The following COL4A3 variants were observed in gnomAD, a reference collection of about 807,000 sequenced individuals.
COL4A3 encodes the protein collagen alpha-3(IV) chain.
A neutral mutation model predicts 217.4 loss-of-function variants in COL4A3; 135 were observed. The ratio of observed to expected loss-of-function variants is 0.62; its 90% CI spans 0.54 to 0.72. The LOEUF is 0.72. Among genes scored for constraint, COL4A3 ranks in the 30% least tolerant of loss-of-function variants. COL4A3 has a pLI of 0.00. For missense variants in COL4A3, 1,868 were observed against 2,119.9 expected (o/e 0.88, Z 2.33); for synonymous variants, 690 against 736.3 (o/e 0.94, Z 1.02).
chr2:227,277,451 A>C lies in COL4A3; in HGVS notation c.2023A>C (p.Ile675Leu), dbSNP rs1232338023. ...GCATATGTGTATTTGTTTCTAAGGT[A>C]TCCCTGGATCCCTGGGGAAATGTGG... ...GHPGPQGPPG[I>L]PGSLGKCGDP... The change falls in exon 28 of 52, where the codon ATC (isoleucine) becomes CTC (leucine). Residue 675 changes from isoleucine to leucine, a missense_variant and splice_region_variant. Transcript: ENST00000396578. The C allele has an allele frequency of 1.9e-6, 3 of 1,602,474 alleles. No individual in the cohort carries two copies. In the South Asian group the frequency reaches 3.3e-5, roughly 18 times the overall value.
chr2:227,257,703 A>C (rs2070277421), intron 18 of COL4A3, 59 bp downstream of exon 18: 4 of 1,483,598 alleles, frequency 2.7e-6, no homozygotes, highest in African/African-American at 1.4e-5. Flanking sequence ...TAAAGTAGCA[A>C]GGAAATTTTG....
At chr2:227,226,117 G>T (rs988864359) in intron 1 of COL4A3, among the ~76,000 whole-genome samples, 10 of 152,112 alleles carry the variant, frequency 6.6e-5, no homozygotes, top group African/African-American at 2.4e-4. Context: ...TTTGGGGGGT[G>T]GGTGATTGTG....
chr2:227,228,237 C>A (rs909193428), intron 1 of COL4A3, among the ~76,000 whole-genome samples: 1 of 152,160 alleles, frequency 6.6e-6, no homozygotes, highest in Non-Finnish European at 1.5e-5. Context: ...GGGGGCATCC[C>A]GCAAAGCAGT....
intron 1 of COL4A3, among the ~76,000 whole-genome samples, chr2:227,235,434 A>G (rs10187805): frequency 0.71 from 107,898 of 151,956 alleles, 38,604 homozygotes; most frequent in Non-Finnish European, 0.75. Flanking sequence ...TTTCCTTCTC[A>G]GTCGGTTACT....
intron 47 of COL4A3, among the ~76,000 whole-genome samples, chr2:227,306,463 A>G (rs1167632496): frequency 6.6e-6 from 1 of 152,144 alleles, no homozygotes; most frequent in African/African-American, 2.4e-5. Flanking sequence ...GGCCAACTAT[A>G]GCTCCCTCTG....
Position 227,164,655 on chromosome 2 carries a change from T to C in COL4A3, c.-72T>C. 2.6e-6 allele frequency: 4 copies of C among 1,525,912 alleles called. No homozygotes were observed. In the East Asian group the frequency reaches 9.9e-5, roughly 38 times the overall value. The allele number at this position is 1,525,912 out of a possible 1,614,324, so 94.5% of individuals were successfully genotyped here. A position where few individuals can be genotyped will look rare whatever the true frequency, so the allele number is the denominator to read the frequency against. On this transcript the variant is annotated 5_prime_UTR_variant, in exon 1 of 52. Transcript: ENST00000396578. This position sits in a 1 kb window ranked among gnomAD's most constrained non-coding sequence, Gnocchi z 4.8. ...TCCAGCCGGGCTCCCAGAGCCGCGC[T>C]GCGCAGGAGACGCGGTGGCCTGAGA... is the stretch of plus-strand genomic sequence containing the variant.
At chr2:227,209,685 C>CA (rs916537921) in intron 1 of COL4A3, among the ~76,000 whole-genome samples, 14 of 152,008 alleles carry the variant, frequency 9.2e-5, no homozygotes, top group African/African-American at 2.2e-4. Flanking sequence ...ACTAAAAATA[C>CA]AAAAAAATTA....
chr2:227,203,904 T>C (rs551810602), intron 1 of COL4A3, among the ~76,000 whole-genome samples: 3 of 152,084 alleles, frequency 2.0e-5, no homozygotes, highest in East Asian at 1.9e-4. Flanking sequence ...TATAAGCCTC[T>C]TAAGCATGAG....
At chr2:227,307,037 G>A (rs983733125) in intron 47 of COL4A3, among the ~76,000 whole-genome samples, 2 of 152,152 alleles carry the variant, frequency 1.3e-5, no homozygotes, top group East Asian at 3.9e-4. Context: ...CACGACAAGT[G>A]TGGATTAGCC....
rs2072040353 is a variant in COL4A3, at chr2:227,282,383, G to C, written c.2507G>C (p.Gly836Ala). 1 of 1,612,410 alleles carries C rather than the reference G, an allele frequency of 6.2e-7. No homozygotes were observed. The highest frequency in any genetic ancestry group is 1.1e-5 in the South Asian group (1 of 90,966). The stretch of plus-strand genomic sequence containing the variant: ...TACACAGGCAGAAGAGGTAAAACGG[G>C]GCCAAAGGGAGACCCAGGAATTCCA... ...KGQQGRRGKT[G>A]PKGDPGIPGL... Residue 836 changes from glycine to alanine, a missense_variant, in exon 32 of 52, where the codon GGG (glycine) becomes GCG (alanine). By Grantham distance (60) the Gly-to-Ala change is moderately conservative. Around this residue, in one of 2 missense-constraint regions of COL4A3, gnomAD observed 1,503 missense variants for 1,786.1 expected, o/e 0.84. Transcript: ENST00000396578. The surrounding 1 kb of genome is among the most constrained non-coding windows in gnomAD (Gnocchi z 4.4).
At chr2:227,240,522 C>T (rs1259772645) in intron 3 of COL4A3, among the ~76,000 whole-genome samples, 3 of 152,220 alleles carry the variant, frequency 2.0e-5, no homozygotes, top group Non-Finnish European at 4.4e-5. Context: ...ACAGTGAAAA[C>T]TCAGAGCTCT....
intron 15 of COL4A3, among the ~76,000 whole-genome samples, chr2:227,255,348 A>G (rs2070087853): frequency 6.6e-6 from 1 of 152,164 alleles, no homozygotes; most frequent in Admixed American, 6.5e-5. Context: ...AGGGGCCCCC[A>G]CTACCCCACC....
chr2:227,199,236 T>A (rs1447107142), intron 1 of COL4A3, among the ~76,000 whole-genome samples: 1 of 152,204 alleles, frequency 6.6e-6, no homozygotes, highest in East Asian at 1.9e-4. Context: ...GATTTACCTG[T>A]GTAATTGCAA....
intron 11 of COL4A3, among the ~76,000 whole-genome samples, chr2:227,252,171 A>G (rs1425747822): frequency 6.7e-6 from 1 of 148,524 alleles, no homozygotes; most frequent in Non-Finnish European, 1.5e-5. Context: ...TAAACACAGT[A>G]TCTCCTACTA....
intron 1 of COL4A3, among the ~76,000 whole-genome samples, chr2:227,182,099 T>C (rs1357903448): frequency 6.6e-6 from 1 of 152,236 alleles, no homozygotes; most frequent in Non-Finnish European, 1.5e-5. Flanking sequence ...ACTTCTAGAA[T>C]AACCTACTGC....
At position 227,202,966 on chromosome 2, in the gene COL4A3, TATATGTGTATATATAC is replaced by T. The variant is rs1459239549; in HGVS notation, c.88-34987_88-34972del. On this transcript the variant is annotated intron_variant, in intron 1 of 51. Coordinates refer to ENST00000396578, the MANE Select transcript of COL4A3 (RefSeq NM_000091.5). Reference sequence around the variant, plus strand: ...ATGTGTATATATACATATATGTGTATATATGTGTATATATACATATGTGTATATATGTGTATATATA... The same window carrying T: ...ATGTGTATATATACATATATGTGTATATATGTGTATATATGTGTATATATA... Among the ~76,000 whole-genome samples, 49 of 37,082 alleles carry T rather than the reference TATATGTGTATATATAC, an allele frequency of 1.3e-3. 4 individuals are homozygous for T. The highest frequency in any genetic ancestry group is 1.7e-3 in the Non-Finnish European group (35 of 21,030). 24.3% of individuals were successfully genotyped at this position (37,082 alleles called of 152,430 possible).
chr2:227,305,170 T>C, intron 47 of COL4A3, 87 bp downstream of exon 47: 1 of 1,113,978 alleles, frequency 9.0e-7, no homozygotes, highest in Non-Finnish European at 1.3e-6. Context: ...ATATGAGTTA[T>C]CTAGGCCTTT....
intron 1 of COL4A3, among the ~76,000 whole-genome samples, chr2:227,199,747 A>G (rs995844760): frequency 1.3e-5 from 2 of 152,190 alleles, no homozygotes; most frequent in Non-Finnish European, 2.9e-5. Context: ...GTGAATCAGA[A>G]TGAAGACAGG....
At chr2:227,193,418 A>G (rs1012244614) in intron 1 of COL4A3, among the ~76,000 whole-genome samples, 5 of 152,230 alleles carry the variant, frequency 3.3e-5, no homozygotes, top group Non-Finnish European at 7.3e-5. Flanking sequence ...TGCAAAGATT[A>G]GAAATAAAAT....
Sources: gnomAD v4.1 joint callset for allele counts (sites outside exome capture counted in the v4.1 genomes callset) on GRCh38, gnomAD v4.1.1 for gene constraint, gnomAD v4.1.1 regional missense constraint, Gnocchi (gnomAD v3.1) non-coding constraint, MANE v1.5 for transcripts, NCBI Gene and HGNC (gene_info 2026-07-23, HGNC 2026-07-21) for gene names.